The following KCNH4 variants were observed in gnomAD, a reference collection of about 807,000 sequenced individuals.
KCNH4 encodes the protein potassium voltage-gated channel subfamily H member 4, also known as voltage-gated delayed rectifier potassium channel KCNH4.
In KCNH4, 33 loss-of-function variants were observed where a neutral mutation model predicts 90.7. The observed-to-expected ratio is 0.36, with a 90% CI of 0.28 to 0.49. The LOEUF (loss-of-function observed/expected upper bound fraction) is 0.49. KCNH4 is among the 20% of genes least tolerant of loss of function. KCNH4 has a pLI of 0.98. For synonymous variants in KCNH4, 551 were observed against 581.7 expected (o/e 0.95, Z 0.76); for missense variants, 1,044 against 1,387.1 (o/e 0.75, Z 3.93).
chr17:42,177,534 A>G (rs1431722453), intron 4 of KCNH4, among the ~76,000 whole-genome samples: 2 of 152,186 alleles, frequency 1.3e-5, no homozygotes, highest in African/African-American at 4.8e-5. Context: ...GACTATGACA[A>G]ATCGGCACAT....
chr17:42,170,025 T>A, intron 8 of KCNH4, 82 bp downstream of exon 8: 2 of 1,398,318 alleles, frequency 1.4e-6, no homozygotes, highest in Non-Finnish European at 1.9e-6. Flanking sequence ...CGGGCAGATG[T>A]CTTGCCCTCT....
chr17:42,176,141 C>T lies in KCNH4; in HGVS notation c.742G>A (p.Val248Ile), dbSNP rs764083971. 2 of 1,613,832 alleles carry T rather than the reference C, an allele frequency of 1.2e-6. No homozygotes were observed. Among genetic ancestry groups the T allele is most frequent in the Middle Eastern group, 1.6e-4 (1 of 6,062 alleles). Residue 248 changes from valine to isoleucine, a missense_variant, in exon 5 of 17, where the codon GTC (valine) becomes ATC (isoleucine). Physicochemically the swap from Val to Ile is conservative, Grantham distance 29 (BLOSUM62 3). Coordinates refer to ENST00000264661, the MANE Select transcript of KCNH4 (RefSeq NM_012285.3). ...FYVAVTVPYN[V>I]CFSGDDDTPI... ...GTGTCATCGTCACCCGAGAAACAGA[C>T]ATTGTAGGGGACGGTGACCGCAACG...
intron 11 of KCNH4, among the ~76,000 whole-genome samples, chr17:42,164,884 T>C (rs2079775849): frequency 6.6e-6 from 1 of 151,008 alleles, no homozygotes; most frequent in East Asian, 1.9e-4. Context: ...GGTGGGTGGA[T>C]CACCTGAGGT....
At chr17:42,170,415 G>A (rs2079819592) in intron 7 of KCNH4, 114 bp from the exon 8 acceptor site, 2 of 881,742 alleles carry the variant, frequency 2.3e-6, no homozygotes, top group Non-Finnish European at 3.3e-6. Context: ...GTTGGCACAG[G>A]AAATGTGGGG....
Position 42,163,961 on chromosome 17 carries a change from G to T in KCNH4, c.2125-3C>A. Reference sequence around the variant, plus strand: ...GAGCCGAGGCTTTCTGAGCGGGGCTGCGGGCAGAGGGGGCAGCTGATGTCG... The same window carrying T: ...GAGCCGAGGCTTTCTGAGCGGGGCTTCGGGCAGAGGGGGCAGCTGATGTCG... On this transcript the variant is annotated splice_polypyrimidine_tract_variant and splice_region_variant and intron_variant, in intron 12 of 16. Transcript: ENST00000264661. The surrounding 1 kb of genome is among the most constrained non-coding windows in gnomAD (Gnocchi z 5.4). The T allele has an allele frequency of 6.5e-7, 1 of 1,531,646 alleles. No individual in the cohort carries two copies. The highest frequency in any genetic ancestry group is 8.8e-7 in the Non-Finnish European group (1 of 1,139,752). The allele number at this position is 1,531,646 out of a possible 1,614,324, so 94.9% of individuals were successfully genotyped here.
intron 4 of KCNH4, 56 bp from the exon 5 acceptor site, chr17:42,176,353 G>T: frequency 1.3e-6 from 2 of 1,536,002 alleles, no homozygotes; most frequent in East Asian, 2.3e-5. Context: ...AGCCAAGATG[G>T]GGGGTGGGAA....
At position 42,176,245 on chromosome 17, in the gene KCNH4, C is replaced by T; in HGVS notation, c.638G>A (p.Gly213Glu). ...SVPEYKVASVGGSRCLLLHYS... is the reference protein window; with the variant it reads ...SVPEYKVASVEGSRCLLLHYS... ...GTGGAGGAGGAGGCAGCGAGACCCC[C>T]CCACGGAGGCCACCTTGTACTCGGG... is the stretch of plus-strand genomic sequence containing the variant. The change falls in exon 5 of 17, where the codon GGG becomes GAG. Residue 213 changes from glycine (G) to glutamate (E), a missense_variant. Around this residue, in one of 4 missense-constraint regions of KCNH4, gnomAD observed 283 missense variants for 378.6 expected, o/e 0.75. Coordinates refer to ENST00000264661, the MANE Select transcript of KCNH4 (RefSeq NM_012285.3). 1 of 1,613,850 alleles carries T rather than the reference C, an allele frequency of 6.2e-7. No homozygotes were observed. Among genetic ancestry groups the T allele is most frequent in the Non-Finnish European group, 8.5e-7 (1 of 1,179,958 alleles).
intron 15 of KCNH4, 31 bp from the exon 16 acceptor site, chr17:42,160,466 G>T (rs1444851052): frequency 6.5e-7 from 1 of 1,548,952 alleles, no homozygotes; most frequent in Non-Finnish European, 8.8e-7. Flanking sequence ...TGTTTCACAG[G>T]TGCCACAGTA....
chr17:42,162,516 T>A (rs765829986), intron 14 of KCNH4, among the ~76,000 whole-genome samples, 195 bp from the exon 15 acceptor site: 20 of 152,168 alleles, frequency 1.3e-4, no homozygotes, highest in Non-Finnish European at 2.6e-4. Context: ...ATCCTGCCCC[T>A]TGCCCCATCT....
chr17:42,157,901 A>G (rs1486332813), intron 16 of KCNH4, among the ~76,000 whole-genome samples: 2 of 152,034 alleles, frequency 1.3e-5, no homozygotes, highest in Non-Finnish European at 2.9e-5. Flanking sequence ...ACAGGCACTC[A>G]CCACTACACC....
chr17:42,161,827 T>C (rs1034984252), intron 15 of KCNH4, among the ~76,000 whole-genome samples: 1 of 152,340 alleles, frequency 6.6e-6, no homozygotes, highest in Admixed American at 6.5e-5. Flanking sequence ...AAGCACATAT[T>C]ACTATTTCCC....
At chr17:42,160,548 G>T in intron 15 of KCNH4, 113 bp from the exon 16 acceptor site, 1 of 1,125,394 alleles carries the variant, frequency 8.9e-7, no homozygotes, top group Non-Finnish European at 1.2e-6. Context: ...GGCCACCCTG[G>T]GAAAAAGGCA....
At chr17:42,169,032 A>G (rs1382509986) in intron 9 of KCNH4, among the ~76,000 whole-genome samples, 1 of 151,610 alleles carries the variant, frequency 6.6e-6, no homozygotes, top group East Asian at 1.9e-4. Context: ...CGGCCTCCCA[A>G]AGTGCTGGGA....
intron 1 of KCNH4, 54 bp from the exon 2 acceptor site, chr17:42,179,080 C>T (rs1248027434): frequency 3.0e-6 from 4 of 1,351,788 alleles, no homozygotes; most frequent in Non-Finnish European, 4.2e-6. Flanking sequence ...AGCTAGCTTC[C>T]AGGTGGGCAG....
rs1340912049 is a variant in KCNH4 at position 42,180,834 on chromosome 17, G to T, written c.76+36C>A. 2.4e-5 allele frequency: 38 copies of T among 1,602,382 alleles called. No individual in the cohort carries two copies. In the Admixed American group the frequency reaches 6.3e-4, roughly 27 times the overall value. On this transcript the variant is annotated intron_variant, in intron 1 of 16. Coordinates refer to ENST00000264661, the MANE Select transcript of KCNH4 (RefSeq NM_012285.3). This position sits in a 1 kb window ranked among gnomAD's most constrained non-coding sequence, Gnocchi z 4.7. ...CGGCCCCGAGGATACTTGCCCCCCA[G>T]CTCGAACCTCAAGCCCCGACCTCCG...
chr17:42,169,211 C>T (rs1186243004), intron 9 of KCNH4, among the ~76,000 whole-genome samples: 1 of 152,180 alleles, frequency 6.6e-6, no homozygotes, highest in East Asian at 1.9e-4. Context: ...TCCCTAGTAG[C>T]TGGGATTACA....
chr17:42,164,180 T>C lies in KCNH4; in HGVS notation c.2086-12A>G. 1.3e-6 allele frequency: 2 copies of C among 1,545,622 alleles called. No individual in the cohort carries two copies. Among genetic ancestry groups the C allele is most frequent in the Non-Finnish European group, 1.7e-6 (2 of 1,144,092 alleles). ...AAGCGGCTGAGGCCCTGTGGGGACA[T>C]AGGAGAGTTCAAGCTGATTCCTGCC... On this transcript the variant is annotated splice_polypyrimidine_tract_variant and intron_variant, in intron 11 of 16. Coordinates refer to ENST00000264661, the MANE Select transcript of KCNH4 (RefSeq NM_012285.3).
rs1347337455 is a variant in KCNH4 at position 42,163,014 on chromosome 17, T to C, written c.2584+214A>G. On this transcript the variant is annotated intron_variant, in intron 14 of 16. Transcript: ENST00000264661. The surrounding 1 kb of genome is among the most constrained non-coding windows in gnomAD (Gnocchi z 5.4). Reference sequence around the variant, plus strand: ...CCTCTTCTACCACAGAGTCCTGTTCTTGTCTGTCATGGTATTTAGCATCTG... The same window carrying C: ...CCTCTTCTACCACAGAGTCCTGTTCCTGTCTGTCATGGTATTTAGCATCTG... Among the ~76,000 whole-genome samples, 1 of 152,252 alleles carries C rather than the reference T, an allele frequency of 6.6e-6. No individual in the cohort carries two copies.
rs760127990 is a variant in KCNH4 at position 42,165,497 on chromosome 17, G to A, written c.2037C>T (p.Gly679=). 3.7e-5 allele frequency: 59 copies of A among 1,614,042 alleles called. No individual in the cohort carries two copies. The highest frequency in any genetic ancestry group is 4.8e-5 in the Non-Finnish European group (57 of 1,180,028). ...YPEYGAAFRA[G]LPRDLTFNLR... is the part of the protein sequence containing the mutation. ...GGTTGAAGGTGAGGTCCCGGGGCAGGCCAGCCCGGAAGGCAGCCCCATACT... is the reference window on the plus strand; with the variant it reads ...GGTTGAAGGTGAGGTCCCGGGGCAGACCAGCCCGGAAGGCAGCCCCATACT... Residue 679 remains glycine, a synonymous_variant, in exon 11 of 17, where the codon GGC becomes GGT. Transcript: ENST00000264661.
Sources: gnomAD v4.1 joint callset for allele counts (sites outside exome capture counted in the v4.1 genomes callset) on GRCh38, gnomAD v4.1.1 for gene constraint, gnomAD v4.1.1 regional missense constraint, Gnocchi (gnomAD v3.1) non-coding constraint, MANE v1.5 for transcripts, NCBI Gene and HGNC (gene_info 2026-07-23, HGNC 2026-07-21) for gene names.